The following HPD variants were observed in gnomAD, a reference collection of about 807,000 sequenced individuals.
HPD encodes 4-hydroxyphenylpyruvic acid oxidase.
In HPD, 35 loss-of-function variants were observed where a neutral mutation model predicts 56.9. The ratio of observed to expected loss-of-function variants is 0.62; its 90% CI spans 0.47 to 0.82. HPD has a LOEUF of 0.82. HPD is among the 40% of genes least tolerant of loss of function. The pLI, the probability that HPD is intolerant of heterozygous loss-of-function variation, is 0.00. For synonymous variants in HPD, 186 were observed against 200.2 expected (o/e 0.93, Z 0.60); for missense variants, 442 against 506.8 (o/e 0.87, Z 1.23).
chr12:121,886,719 C>G, the HPD span, among the ~76,000 whole-genome samples: 2 of 151,972 alleles, frequency 1.3e-5, no homozygotes, highest in African/African-American at 2.4e-5. Flanking sequence ...AATTGCAACA[C>G]CATTATCTGA....
chr12:121,885,242 G>C, the HPD span, among the ~76,000 whole-genome samples: 1 of 139,942 alleles, frequency 7.1e-6, no homozygotes, highest in Non-Finnish European at 1.5e-5. Context: ...TTGCTCTGTC[G>C]CCAGGCTGTA....
chr12:121,859,608 C>G (rs1185556986), upstream of HPD, among the ~76,000 whole-genome samples: 2 of 152,210 alleles, frequency 1.3e-5, no homozygotes, highest in Non-Finnish European at 2.9e-5. Flanking sequence ...ATATCCCCAT[C>G]AGATGGGGAA....
upstream of HPD, among the ~76,000 whole-genome samples, chr12:121,862,596 C>CTTTTT (rs146807602): frequency 2.3e-5 from 1 of 43,068 alleles, no homozygotes; most frequent in Non-Finnish European, 3.7e-5. Context: ...CGCTCTCGGC[C>CTTTTT]TTTTTTTTTT....
At chr12:121,873,820 A>G in the HPD span, among the ~76,000 whole-genome samples, 3 of 150,612 alleles carry the variant, frequency 2.0e-5, no homozygotes, top group East Asian at 5.9e-4. Flanking sequence ...CGTCTCAAAA[A>G]AAAAAAATCA....
At chr12:121,879,636 T>TA in the HPD span, among the ~76,000 whole-genome samples, 1 of 151,982 alleles carries the variant, frequency 6.6e-6, no homozygotes, top group African/African-American at 2.4e-5. Flanking sequence ...TCGGCCTGAG[T>TA]AGCTGGGACT....
the HPD span, among the ~76,000 whole-genome samples, chr12:121,887,215 A>ATT: frequency 1.5e-4 from 20 of 129,368 alleles, no homozygotes; most frequent in Non-Finnish European, 2.2e-4. Context: ...CTAATTAATT[A>ATT]TTATTTTTTT....
upstream of HPD, among the ~76,000 whole-genome samples, chr12:121,867,019 G>C (rs1878345258): frequency 6.6e-6 from 1 of 152,120 alleles, no homozygotes; most frequent in Non-Finnish European, 1.5e-5. Flanking sequence ...GAATCAAGCA[G>C]TATGTAGCCT....
upstream of HPD, among the ~76,000 whole-genome samples, chr12:121,861,330 TG>T (rs527784448): frequency 1.3e-4 from 19 of 147,440 alleles, no homozygotes; most frequent in South Asian, 1.5e-3. Flanking sequence ...AGTAAGACTC[TG>T]TCTCAAAAAA....
At chr12:121,885,270 C>T in the HPD span, among the ~76,000 whole-genome samples, 14 of 151,076 alleles carry the variant, frequency 9.3e-5, no homozygotes, top group Non-Finnish European at 1.3e-4. Context: ...AGCACCATCT[C>T]GGCTCATTGT....
upstream of HPD, among the ~76,000 whole-genome samples, chr12:121,865,153 G>A (rs1457245842): frequency 2.6e-5 from 4 of 151,634 alleles, no homozygotes; most frequent in African/African-American, 7.3e-5. Context: ...CCGTAGTTTC[G>A]GCTACTCGGG....
At chr12:121,847,526 T>C (rs945379682) in intron 9 of HPD, among the ~76,000 whole-genome samples, 3 of 151,812 alleles carry the variant, frequency 2.0e-5, no homozygotes, top group Non-Finnish European at 4.4e-5. Flanking sequence ...ACCTGGATAA[T>C]TTTGGGGTAT....
chr12:121,847,387 A>G (rs1877623932), intron 9 of HPD, among the ~76,000 whole-genome samples, 173 bp from the exon 10 acceptor site: 1 of 152,038 alleles, frequency 6.6e-6, no homozygotes, highest in African/African-American at 2.4e-5. Flanking sequence ...CTCGAGACAG[A>G]GTCTCACTCT....
chr12:121,861,870 G>A (rs990889368), upstream of HPD, among the ~76,000 whole-genome samples: 6 of 152,138 alleles, frequency 3.9e-5, no homozygotes, highest in Non-Finnish European at 7.3e-5. Context: ...CTGAATTCAC[G>A]AATTCTAGTT....
chr12:121,843,009 G>C (rs1877459792), intron 12 of HPD, among the ~76,000 whole-genome samples: 1 of 152,074 alleles, frequency 6.6e-6, no homozygotes, highest in South Asian at 2.1e-4. Context: ...GCCTCCCAAA[G>C]TACTGAGATT....
At position 121,856,309 on chromosome 12, in the gene HPD, C is replaced by G. The variant is rs1877993027; in HGVS notation, c.324+15G>C. 6.2e-7 allele frequency: 1 copy of G among 1,608,680 alleles called. No individual in the cohort carries two copies. On this transcript the variant is annotated intron_variant, in intron 6 of 13. Coordinates refer to ENST00000289004, the MANE Select transcript of HPD (RefSeq NM_002150.3). ...GGAGGCCTTCCTCTCTCAGTCCACC[C>G]AGGTGCTTTCTTACCTGCACGATGT...
the HPD span, among the ~76,000 whole-genome samples, chr12:121,878,884 C>T: frequency 2.6e-5 from 4 of 150,978 alleles, no homozygotes; most frequent in East Asian, 3.9e-4. Flanking sequence ...TATGTTGTCT[C>T]GGCTGGTCTC....
chr12:121,873,984 A>G, the HPD span, among the ~76,000 whole-genome samples: 1 of 152,096 alleles, frequency 6.6e-6, no homozygotes, highest in Non-Finnish European at 1.5e-5. Flanking sequence ...CCCTGTCTCA[A>G]ACAAAACAAC....
chr12:121,888,280 C>G, the HPD span, among the ~76,000 whole-genome samples: 3 of 152,120 alleles, frequency 2.0e-5, no homozygotes, highest in Admixed American at 2.0e-4. Context: ...AGATTGCTAT[C>G]AATTACTGCC....
At chr12:121,865,917 G>A (rs1376408160), upstream of HPD, among the ~76,000 whole-genome samples, 2 of 152,012 alleles carry the variant, frequency 1.3e-5, no homozygotes, top group East Asian at 1.9e-4. Context: ...AACCTCAGAG[G>A]TGGAGGTTGC....
Sources: allele counts gnomAD v4.1 joint callset (sites outside exome capture counted in the v4.1 genomes callset), GRCh38; gene constraint gnomAD v4.1.1; transcripts MANE v1.5; gene names NCBI Gene and HGNC (gene_info 2026-07-23, HGNC 2026-07-21).